The following NANOG variants were observed in gnomAD, a reference collection of about 807,000 sequenced individuals.
NANOG encodes the protein homeobox protein NANOG.
NANOG carries 2 observed loss-of-function variants against 17.7 expected under a neutral mutation model. That is an observed-to-expected ratio of 0.11 (90% CI 0.05 to 0.36). NANOG has a LOEUF of 0.36. Ranked by LOEUF, NANOG falls within the 10% of genes least tolerant of loss-of-function variation. The pLI, the probability that NANOG is intolerant of heterozygous loss-of-function variation, is 1.00. For missense variants in NANOG, 174 were observed against 362.1 expected (o/e 0.48, Z 4.22); for synonymous variants, 81 against 124.7 (o/e 0.65, Z 2.33).
In NANOG at chr12:7,793,168, C is replaced by A. The variant is rs373700728; in HGVS notation, c.370C>A (p.Gln124Lys). The change falls in exon 2 of 4, where the codon CAG (glutamine) becomes AAG (lysine). Residue 124 changes from glutamine (Q) to lysine (K), a missense_variant. By Grantham distance (53) the Gln-to-Lys change is moderately conservative. This residue lies in a region of NANOG where 158 missense variants were observed against 244.2 expected (regional missense o/e 0.65). Transcript: ENST00000229307. ...GAGACAGAAATACCTCAGCCTCCAG[C>A]AGATGCAAGAACTCTCCAACATCCT... is the stretch of plus-strand genomic sequence containing the variant. ...FQRQKYLSLQQMQELSNILNL... is the reference protein window; with the variant it reads ...FQRQKYLSLQKMQELSNILNL... 93 of 1,613,646 alleles carry A rather than the reference C, an allele frequency of 5.8e-5. No individual in the cohort carries two copies. The highest frequency in any genetic ancestry group is 7.5e-5 in the Non-Finnish European group (89 of 1,179,748).
intron 1 of NANOG, among the ~76,000 whole-genome samples, chr12:7,792,445 T>C (rs1194441942): frequency 6.6e-6 from 1 of 152,030 alleles, no homozygotes; most frequent in Admixed American, 6.6e-5. Flanking sequence ...GGCAGGCGGA[T>C]CACGAGGTCA....
chr12:7,789,865 C>G, intron 1 of NANOG, 100 bp downstream of exon 1: 5 of 1,255,570 alleles, frequency 4.0e-6, no homozygotes, highest in Non-Finnish European at 5.7e-6. Flanking sequence ...AATGATGGAC[C>G]ATTACTATAA....
chr12:7,797,676 G>C lies in NANOG; in HGVS notation c.*2581G>C, dbSNP rs768006718. 6.6e-6 allele frequency: 1 copy of C among 151,882 alleles called. No homozygotes were observed. The highest frequency in any genetic ancestry group is 1.5e-5 in the Non-Finnish European group (1 of 68,010). The allele number at this position is 151,882 out of a possible 1,614,324, so 9.4% of individuals were successfully genotyped here. A position where few individuals can be genotyped will look rare whatever the true frequency, so the allele number is the denominator to read the frequency against. On this transcript the variant is annotated 3_prime_UTR_variant, in exon 4 of 4. Transcript: ENST00000229307. ...CCAGCCTTCTTTTTTATTTTTTTAA[G>C]ACGGGCTTATTCTGCTGCTCAGACT... is the stretch of plus-strand genomic sequence containing the variant.
At chr12:7,792,814 C>T (rs754527700) in intron 1 of NANOG, 136 bp from the exon 2 acceptor site, 5 of 871,328 alleles carry the variant, frequency 5.7e-6, no homozygotes, top group Non-Finnish European at 8.9e-6. Context: ...GCCAGGGCTG[C>T]TTAAGAAATT....
intron 1 of NANOG, 24 bp from the exon 2 acceptor site, chr12:7,792,926 T>C (rs1269283133): frequency 1.9e-6 from 3 of 1,560,150 alleles, no homozygotes; most frequent in African/African-American, 1.4e-5. Context: ...TAGACAAAAG[T>C]GTCCTTTTAT....
rs1340178762 is a variant in NANOG at position 7,793,305 on chromosome 12, ATG to A, written c.414+97_414+98del. 2.0e-5 allele frequency: 24 copies of A among 1,209,046 alleles called. No individual in the cohort carries two copies. The Admixed American group carries it at 2.1e-4, about 11-fold the overall frequency. 74.9% of individuals were successfully genotyped at this position (1,209,046 alleles called of 1,614,324 possible). A position where few individuals can be genotyped will look rare whatever the true frequency, so the allele number is the denominator to read the frequency against. ...GTGGATGCATGTAGATGTGTGTACT[ATG>A]TGTCCGTACATCGCCTCTTGCAAAT... On this transcript the variant is annotated intron_variant, in intron 2 of 3. Coordinates refer to ENST00000229307, the MANE Select transcript of NANOG (RefSeq NM_024865.4).
intron 2 of NANOG, 123 bp from the exon 3 acceptor site, chr12:7,794,334 A>T: frequency 2.2e-6 from 2 of 904,130 alleles, no homozygotes; most frequent in South Asian, 3.3e-5. Flanking sequence ...TGGCCTTCCA[A>T]AGTGTTGGGA....
At chr12:7,793,313 G>A (rs746481818) in intron 2 of NANOG, 101 bp downstream of exon 2, 22 of 1,087,572 alleles carry the variant, frequency 2.0e-5, no homozygotes, top group East Asian at 5.0e-5. Flanking sequence ...CTATGTGTCC[G>A]TACATCGCCT....
Position 7,798,186 on chromosome 12 carries a change from G to T in NANOG, c.*3091G>T, listed in dbSNP as rs1421380165. ...GAGGTCAGGAGTTCAAGTTTAGCAT[G>T]GCCAATATGGCGAAACCCTGTCTCT... On this transcript the variant is annotated 3_prime_UTR_variant, in exon 4 of 4. Coordinates refer to ENST00000229307, the MANE Select transcript of NANOG (RefSeq NM_024865.4). The T allele has an allele frequency of 6.6e-6, 1 of 152,138 alleles. No individual in the cohort carries two copies. Among genetic ancestry groups the T allele is most frequent in the Non-Finnish European group, 1.5e-5 (1 of 68,034 alleles). The allele number at this position is 152,138 out of a possible 1,614,324, so 9.4% of individuals were successfully genotyped here. A position where few individuals can be genotyped will look rare whatever the true frequency, so the allele number is the denominator to read the frequency against.
Position 7,797,357 on chromosome 12 carries a change from A to ATTTTT in NANOG, c.*2275_*2279dup, listed in dbSNP as rs35626012. On this transcript the variant is annotated 3_prime_UTR_variant, in exon 4 of 4. Transcript: ENST00000229307. The stretch of plus-strand genomic sequence containing the variant: ...AGGTGTGAGCCACCGTGTCTGGGCA[A>ATTTTT]TTTTTTTTTTTTTTTTTGAGATGGA... 62 of 126,532 alleles carry ATTTTT rather than the reference A, an allele frequency of 4.9e-4. 6 individuals are homozygous for ATTTTT. The highest frequency in any genetic ancestry group is 9.0e-4 in the African/African-American group (30 of 33,302). The allele number at this position is 126,532 out of a possible 1,614,324, so 7.8% of individuals were successfully genotyped here. A position where few individuals can be genotyped will look rare whatever the true frequency, so the allele number is the denominator to read the frequency against.
At position 7,795,533 on chromosome 12, in the gene NANOG, G is replaced by A. The variant is rs1862917914; in HGVS notation, c.*438G>A. 1 of 101,264 alleles carries A rather than the reference G, an allele frequency of 9.9e-6. No individual in the cohort carries two copies. The highest frequency in any genetic ancestry group is 2.5e-5 in the Non-Finnish European group (1 of 40,270). The allele number at this position is 101,264 out of a possible 1,614,324, so 6.3% of individuals were successfully genotyped here. A position where few individuals can be genotyped will look rare whatever the true frequency, so the allele number is the denominator to read the frequency against. On this transcript the variant is annotated 3_prime_UTR_variant, in exon 4 of 4. Transcript: ENST00000229307. ...AGACGGGGTTTCACTGTGTTAGCCA[G>A]GATGGTCTCGATCTCCTGACCTTGT... is the stretch of plus-strand genomic sequence containing the variant.
Position 7,797,832 on chromosome 12 carries a change from T to C in NANOG, c.*2737T>C, listed in dbSNP as rs1862951597. ...CCATGCCAGCTAACTTTTGTGTTTT[T>C]AGGAGAGACGGGGTTTCCCCATGTT... On this transcript the variant is annotated 3_prime_UTR_variant, in exon 4 of 4. Coordinates refer to ENST00000229307, the MANE Select transcript of NANOG (RefSeq NM_024865.4). 1 of 152,218 alleles carries C rather than the reference T, an allele frequency of 6.6e-6. No homozygotes were observed. The highest frequency in any genetic ancestry group is 2.1e-4 in the South Asian group (1 of 4,822). The allele number at this position is 152,218 out of a possible 1,614,324, so 9.4% of individuals were successfully genotyped here.
At position 7,798,723 on chromosome 12, in the gene NANOG, CT is replaced by C. The variant is rs1862960390; in HGVS notation, c.*3629del. On this transcript the variant is annotated 3_prime_UTR_variant, in exon 4 of 4. Coordinates refer to ENST00000229307, the MANE Select transcript of NANOG (RefSeq NM_024865.4). The stretch of plus-strand genomic sequence containing the variant: ...CTCGGGGTGAAGGACAAGGTTAATT[CT>C]ACTCTGAGTAATTCTACCGTTCAGA... 3.0e-5 allele frequency: 1 copy of C among 33,842 alleles called. No individual in the cohort carries two copies. Among genetic ancestry groups the C allele is most frequent in the South Asian group, 1.7e-3 (1 of 572 alleles). 2.1% of individuals were successfully genotyped at this position (33,842 alleles called of 1,614,324 possible). A position where few individuals can be genotyped will look rare whatever the true frequency, so the allele number is the denominator to read the frequency against.
chr12:7,791,024 C>T (rs894150656), intron 1 of NANOG, among the ~76,000 whole-genome samples: 4 of 151,940 alleles, frequency 2.6e-5, no homozygotes, highest in Admixed American at 1.3e-4. Flanking sequence ...GGATTACAGG[C>T]GCTGACCCAC....
chr12:7,793,212 G>A lies in NANOG; in HGVS notation c.414G>A (p.Gln138=). 6.2e-7 allele frequency: 1 copy of A among 1,613,690 alleles called. No individual in the cohort carries two copies. The change falls in exon 2 of 4, where the codon CAG becomes CAA. Residue 138 remains glutamine, a splice_region_variant and synonymous_variant. Transcript: ENST00000229307. ...LSNILNLSYK[Q]VKTWFQNQRM... ...ACATCCTGAACCTCAGCTACAAACA[G>A]GTAGGCTTGTTTTGTCCTTGGAATA... is the stretch of plus-strand genomic sequence containing the variant.
rs895212855 is a variant in NANOG at position 7,796,042 on chromosome 12, A to G, written c.*947A>G. 6.6e-6 allele frequency: 1 copy of G among 152,126 alleles called. No homozygotes were observed. The highest frequency in any genetic ancestry group is 2.4e-5 in the African/African-American group (1 of 41,426). 9.4% of individuals were successfully genotyped at this position (152,126 alleles called of 1,614,324 possible). On this transcript the variant is annotated 3_prime_UTR_variant, in exon 4 of 4. Transcript: ENST00000229307. ...ATTTCACCGAGTGTTTCAATGAGTA[A>G]ATATACAGCTTAAACATAAATCTTT...
Position 7,794,539 on chromosome 12 carries a change from C to G in NANOG, c.497C>G (p.Thr166Arg). Reference protein sequence around the residue: ...NNWPKNSNGVTQKASAPTYPS... With the variant: ...NNWPKNSNGVRQKASAPTYPS... ...TGGCCGAAGAATAGCAATGGTGTGA[C>G]GCAGGTAACAGGAAACTTCATTCTG... Residue 166 changes from threonine to arginine, a missense_variant, in exon 3 of 4, where the codon ACG becomes AGG. Transcript: ENST00000229307. The G allele has an allele frequency of 1.2e-6, 2 of 1,613,226 alleles. No individual in the cohort carries two copies. Among genetic ancestry groups the G allele is most frequent in the Admixed American group, 1.7e-5 (1 of 59,860 alleles).
rs893098110 is a variant in NANOG, at chr12:7,797,876, C to T, written c.*2781C>T. 3 of 151,950 alleles carry T rather than the reference C, an allele frequency of 2.0e-5. No individual in the cohort carries two copies. The highest frequency in any genetic ancestry group is 4.4e-5 in the Non-Finnish European group (3 of 68,072). The allele number at this position is 151,950 out of a possible 1,614,324, so 9.4% of individuals were successfully genotyped here. A position where few individuals can be genotyped will look rare whatever the true frequency, so the allele number is the denominator to read the frequency against. Reference sequence around the variant, plus strand: ...CCATGTTGGCCTGGCTAGTCTCAAACTCCTGAGCTCAAGCAGTCTACCAGC... The same window carrying T: ...CCATGTTGGCCTGGCTAGTCTCAAATTCCTGAGCTCAAGCAGTCTACCAGC... On this transcript the variant is annotated 3_prime_UTR_variant, in exon 4 of 4. Coordinates refer to ENST00000229307, the MANE Select transcript of NANOG (RefSeq NM_024865.4).
Position 7,796,412 on chromosome 12 carries a change from T to A in NANOG, c.*1317T>A, listed in dbSNP as rs1391790093. The A allele has an allele frequency of 8.0e-6, 1 of 124,786 alleles. No individual in the cohort carries two copies. Among genetic ancestry groups the A allele is most frequent in the Non-Finnish European group, 1.9e-5 (1 of 53,880 alleles). The allele number at this position is 124,786 out of a possible 1,614,324, so 7.7% of individuals were successfully genotyped here. ...CTTACGTGCATTGTACATGTGCATC[T>A]ACAAATGTAATGGGTTATTTCCGTG... On this transcript the variant is annotated 3_prime_UTR_variant, in exon 4 of 4. Transcript: ENST00000229307.
Sources: gnomAD v4.1 joint callset for allele counts (sites outside exome capture counted in the v4.1 genomes callset) on GRCh38, gnomAD v4.1.1 for gene constraint, gnomAD v4.1.1 regional missense constraint, MANE v1.5 for transcripts, NCBI Gene and HGNC (gene_info 2026-07-23, HGNC 2026-07-21) for gene names.